TK2: variants seen among roughly 807,000 people sequenced by gnomAD.
TK2 encodes the protein thymidine kinase 2, mitochondrial.
Under a neutral mutation model 41.9 loss-of-function variants are expected in TK2, and 35 were observed. The observed-to-expected ratio is 0.84, with a 90% CI of 0.64 to 1.11. TK2 has a LOEUF of 1.11. TK2 is among the 50% of genes least tolerant of loss of function. TK2 has a pLI of 0.00. For synonymous variants in TK2, 128 were observed against 129.1 expected (o/e 0.99, Z 0.06); for missense variants, 320 against 351.1 (o/e 0.91, Z 0.71).
At chr16:66,543,177 C>G (rs529632147) in intron 2 of TK2, among the ~76,000 whole-genome samples, 10 of 152,110 alleles carry the variant, frequency 6.6e-5, no homozygotes, top group African/African-American at 1.7e-4. Context: ...CCCGGCCAAG[C>G]CTCAGTAACT....
At chr16:66,545,937 G>T (rs1965594332) in intron 2 of TK2, among the ~76,000 whole-genome samples, 1 of 152,220 alleles carries the variant, frequency 6.6e-6, no homozygotes, top group African/African-American at 2.4e-5. Flanking sequence ...TAAAGAGACA[G>T]GAAGTAGATT....
rs1183445457 is a variant in TK2, at chr16:66,508,612, C to T, written c.*3356G>A. The T allele has an allele frequency of 6.6e-6, 1 of 152,264 alleles. No homozygotes were observed. Among genetic ancestry groups the T allele is most frequent in the African/African-American group, 2.4e-5 (1 of 41,456 alleles). The allele number at this position is 152,264 out of a possible 1,614,324, so 9.4% of individuals were successfully genotyped here. A position where few individuals can be genotyped will look rare whatever the true frequency, so the allele number is the denominator to read the frequency against. ...AAAAGAAGTGATTCAGATTCCATAG[C>T]ACCCTGTGGGTAGACAGGTTTCAGG... On this transcript the variant is annotated 3_prime_UTR_variant, in exon 10 of 10. Transcript: ENST00000544898.
intron 2 of TK2, 94 bp downstream of exon 2, chr16:66,548,884 A>G (rs567157679): frequency 2.4e-6 from 3 of 1,250,774 alleles, no homozygotes; most frequent in Non-Finnish European, 3.5e-6. Flanking sequence ...GCTTTTTACT[A>G]TGGAATGTAT....
chr16:66,533,791 A>G (rs1287677525), intron 4 of TK2, among the ~76,000 whole-genome samples: 1 of 151,922 alleles, frequency 6.6e-6, no homozygotes, highest in Non-Finnish European at 1.5e-5. Flanking sequence ...GCGGATCACG[A>G]GGTCAGGAGA....
At chr16:66,513,918 C>T (rs1964528632) in intron 8 of TK2, 107 bp from the exon 9 acceptor site, 1 of 979,980 alleles carries the variant, frequency 1.0e-6, no homozygotes, top group Non-Finnish European at 1.6e-6. Context: ...TGGGCAGTGA[C>T]TCAGACAAAG....
intron 6 of TK2, among the ~76,000 whole-genome samples, chr16:66,526,554 A>T (rs1964937966): frequency 6.6e-6 from 1 of 152,168 alleles, no homozygotes; most frequent in African/African-American, 2.4e-5. Context: ...GTTTGAGACC[A>T]GCCTGGGCAA....
At chr16:66,545,760 G>A (rs923517932) in intron 2 of TK2, among the ~76,000 whole-genome samples, 1 of 152,022 alleles carries the variant, frequency 6.6e-6, no homozygotes, top group Non-Finnish European at 1.5e-5. Context: ...GGCGGCGGAG[G>A]TTGCAGTGAG....
At position 66,517,442 on chromosome 16, in the gene TK2, G is replaced by A. The variant is rs1392738050; in HGVS notation, c.539-227C>T. Reference sequence around the variant, plus strand: ...GAATGGGATTCTGTTCATAGACAGAGCTCAAAACAGGCCTCACACCCAGCA... The same window carrying A: ...GAATGGGATTCTGTTCATAGACAGAACTCAAAACAGGCCTCACACCCAGCA... On this transcript the variant is annotated intron_variant, in intron 7 of 9. Transcript: ENST00000544898. This position sits in a 1 kb window ranked among gnomAD's most constrained non-coding sequence, Gnocchi z 4.3. 4 of 620,998 alleles carry A rather than the reference G, an allele frequency of 6.4e-6. No individual in the cohort carries two copies. Among genetic ancestry groups the A allele is most frequent in the East Asian group, 5.5e-5 (2 of 36,136 alleles). The allele number at this position is 620,998 out of a possible 1,614,324, so 38.5% of individuals were successfully genotyped here. A position where few individuals can be genotyped will look rare whatever the true frequency, so the allele number is the denominator to read the frequency against.
intron 6 of TK2, among the ~76,000 whole-genome samples, chr16:66,528,721 AGGCTATCCTACATC>A (rs1259513221): frequency 1.3e-5 from 2 of 152,192 alleles, no homozygotes; most frequent in African/African-American, 4.8e-5. Context: ...ACCCTTGCTT[AGGCTATCCTACATC>A]GGCTGATCCC....
chr16:66,521,270 T>C (rs1964771796), intron 6 of TK2, among the ~76,000 whole-genome samples: 1 of 152,156 alleles, frequency 6.6e-6, no homozygotes, highest in South Asian at 2.1e-4. Flanking sequence ...GGGTCACACC[T>C]GTGGGGGACT....
chr16:66,535,094 A>C (rs1439276115), intron 4 of TK2, among the ~76,000 whole-genome samples: 1 of 152,188 alleles, frequency 6.6e-6, no homozygotes, highest in Non-Finnish European at 1.5e-5. Flanking sequence ...AAATCTCATA[A>C]AGGCTAGGAG....
At position 66,528,845 on chromosome 16, in the gene TK2, C is replaced by T. The variant is rs1043456843; in HGVS notation, c.449+149G>A. ...CAGATAGCTGTCTGCCATGAGGATT[C>T]GTGGCTGTTTGTTACACCGCATTGC... On this transcript the variant is annotated intron_variant, in intron 6 of 9. Coordinates refer to ENST00000544898, the MANE Select transcript of TK2 (RefSeq NM_004614.5). The T allele has an allele frequency of 1.1e-5, 8 of 754,832 alleles. No homozygotes were observed. In the African/African-American group the frequency reaches 1.2e-4, roughly 11 times the overall value. The allele number at this position is 754,832 out of a possible 1,614,324, so 46.8% of individuals were successfully genotyped here. A position where few individuals can be genotyped will look rare whatever the true frequency, so the allele number is the denominator to read the frequency against.
At chr16:66,541,980 G>A (rs1965471811) in intron 2 of TK2, 27 bp from the exon 3 acceptor site, 1 of 1,612,222 alleles carries the variant, frequency 6.2e-7, no homozygotes, top group African/African-American at 1.3e-5. Flanking sequence ...GCATATTAGA[G>A]CCAGAACTCA....
intron 6 of TK2, among the ~76,000 whole-genome samples, chr16:66,521,229 A>C (rs1450981798): frequency 6.6e-6 from 1 of 152,216 alleles, no homozygotes; most frequent in Admixed American, 6.5e-5. Flanking sequence ...GTCACAGTAC[A>C]CGGGGGTCTG....
intron 4 of TK2, among the ~76,000 whole-genome samples, chr16:66,535,232 A>C (rs1965239073): frequency 6.6e-6 from 1 of 152,218 alleles, no homozygotes; most frequent in African/African-American, 2.4e-5. Context: ...TAGAGTGGAA[A>C]CTTATATAAA....
intron 3 of TK2, among the ~76,000 whole-genome samples, chr16:66,541,573 G>A (rs1335178577): frequency 2.0e-5 from 3 of 151,970 alleles, no homozygotes; most frequent in South Asian, 2.1e-4. Flanking sequence ...CTACAGGCAC[G>A]TACCACCATG....
At position 66,512,503 on chromosome 16, in the gene TK2, C is replaced by T. The variant is rs186577869; in HGVS notation, c.700-437G>A. On this transcript the variant is annotated intron_variant, in intron 9 of 9. Coordinates refer to ENST00000544898, the MANE Select transcript of TK2 (RefSeq NM_004614.5). Reference sequence around the variant, plus strand: ...TATTTAAAAATCTACTACAGTAGGCCGGGTGCAGTGGCTCACGCCTGTGAT... The same window carrying T: ...TATTTAAAAATCTACTACAGTAGGCTGGGTGCAGTGGCTCACGCCTGTGAT... Among the ~76,000 whole-genome samples the T allele has an allele frequency of 3.3e-5, 5 of 152,196 alleles. No individual in the cohort carries two copies. The East Asian group carries it at 5.8e-4, about 18-fold the overall frequency.
chr16:66,537,116 A>G, intron 3 of TK2, 99 bp from the exon 4 acceptor site: 1 of 1,542,524 alleles, frequency 6.5e-7, no homozygotes, highest in Non-Finnish European at 8.9e-7. Flanking sequence ...AGGGAAAAAG[A>G]GAGAAAAAGA....
At chr16:66,538,992 T>C (rs1324294532) in intron 3 of TK2, among the ~76,000 whole-genome samples, 1 of 152,216 alleles carries the variant, frequency 6.6e-6, no homozygotes, top group Non-Finnish European at 1.5e-5. Context: ...GTAAAAATGG[T>C]ACCTACTTCA....
Sources: gnomAD v4.1 joint callset for allele counts (sites outside exome capture counted in the v4.1 genomes callset) on GRCh38, gnomAD v4.1.1 for gene constraint, Gnocchi (gnomAD v3.1) non-coding constraint, MANE v1.5 for transcripts, NCBI Gene and HGNC (gene_info 2026-07-23, HGNC 2026-07-21) for gene names.